The following PPARGC1B variants were observed in gnomAD, a reference collection of about 807,000 sequenced individuals.
PPARGC1B encodes the protein peroxisome proliferator-activated receptor gamma coactivator 1-beta.
PPARGC1B carries 34 observed loss-of-function variants against 101.6 expected under a neutral mutation model. The observed-to-expected ratio is 0.33, with a 90% CI of 0.25 to 0.45. The LOEUF (loss-of-function observed/expected upper bound fraction) is 0.45. Ranked by LOEUF, PPARGC1B falls within the 20% of genes least tolerant of loss-of-function variation. The probability of loss-of-function intolerance (pLI) is 1.00; values close to 1 mark genes in which losing one functional copy is unlikely to be tolerated. For synonymous variants in PPARGC1B, 548 were observed against 539.3 expected (o/e 1.02, Z -0.22); for missense variants, 1,234 against 1,317.6 (o/e 0.94, Z 0.98).
chr5:149,780,645 A>G (rs943292466), intron 1 of PPARGC1B, among the ~76,000 whole-genome samples: 5 of 152,218 alleles, frequency 3.3e-5, no homozygotes, highest in Non-Finnish European at 7.3e-5. Flanking sequence ...GTTATTGATA[A>G]TTTTAAACAT....
chr5:149,823,251 C>T (rs755969969), intron 2 of PPARGC1B, among the ~76,000 whole-genome samples: 2 of 152,108 alleles, frequency 1.3e-5, no homozygotes, highest in East Asian at 1.9e-4. Context: ...GAGGAAGGGG[C>T]GTGGACAAAT....
chr5:149,792,576 C>T (rs1236246122), intron 1 of PPARGC1B, among the ~76,000 whole-genome samples: 6 of 152,148 alleles, frequency 3.9e-5, no homozygotes, highest in African/African-American at 7.2e-5. Flanking sequence ...TTCTGGCCGG[C>T]GGCACTACTT....
intron 1 of PPARGC1B, among the ~76,000 whole-genome samples, chr5:149,796,191 G>A (rs1757209456): frequency 6.6e-6 from 1 of 152,150 alleles, no homozygotes; most frequent in Non-Finnish European, 1.5e-5. Flanking sequence ...GGAGGGTGGT[G>A]GCCACTTCAG....
At position 149,836,734 on chromosome 5, in the gene PPARGC1B, T is replaced by C. The variant is rs1316894882; in HGVS notation, c.2279T>C (p.Ile760Thr). Reference sequence around the variant, plus strand: ...AGCACGCTGCTGAGAGACCATGAGATCCGTGCCAGCCTCACCAAACACTTT... The same window carrying C: ...AGCACGCTGCTGAGAGACCATGAGACCCGTGCCAGCCTCACCAAACACTTT... ...KDSTLLRDHE[I>T]RASLTKHFGL... The change falls in exon 8 of 12, where the codon ATC becomes ACC. Residue 760 changes from isoleucine (I) to threonine (T), a missense_variant. By Grantham distance (89) the Ile-to-Thr change is moderately conservative. Transcript: ENST00000309241. 6.2e-7 allele frequency: 1 copy of C among 1,613,608 alleles called. No homozygotes were observed. Among genetic ancestry groups the C allele is most frequent in the Non-Finnish European group, 8.5e-7 (1 of 1,180,002 alleles).
chr5:149,744,796 T>C (rs549445084), intron 1 of PPARGC1B, among the ~76,000 whole-genome samples: 18 of 152,340 alleles, frequency 1.2e-4, no homozygotes, highest in African/African-American at 4.3e-4. Context: ...ACAAAGAGTT[T>C]GTAGCTCGGC....
rs1016972855 is a variant in PPARGC1B at position 149,826,830 on chromosome 5, G to A, written c.410G>A (p.Ser137Asn). 2 of 1,613,746 alleles carry A rather than the reference G, an allele frequency of 1.2e-6. No individual in the cohort carries two copies. Among genetic ancestry groups the A allele is most frequent in the Non-Finnish European group, 1.7e-6 (2 of 1,179,830 alleles). Residue 137 changes from serine to asparagine, a missense_variant, in exon 3 of 12, where the codon AGC (serine) becomes AAC (asparagine). Around this residue, in one of 3 missense-constraint regions of PPARGC1B, gnomAD observed 734 missense variants for 768.4 expected, o/e 0.96. Transcript: ENST00000309241. ...CCTGCCCCCTCATCTGCACCCCCCA[G>A]CCCTGCCCCGGAGAAGCCCTCGGCC... ...ASPAPSSAPPSPAPEKPSAPA... is the reference protein window; with the variant it reads ...ASPAPSSAPPNPAPEKPSAPA...
chr5:149,740,490 G>A (rs1335184590), intron 1 of PPARGC1B, among the ~76,000 whole-genome samples: 2 of 152,114 alleles, frequency 1.3e-5, no homozygotes, highest in Non-Finnish European at 1.5e-5. Flanking sequence ...CTCTACTTGT[G>A]GGGCAGGTGA....
chr5:149,742,878 C>T (rs1462566934), intron 1 of PPARGC1B, among the ~76,000 whole-genome samples: 1 of 152,090 alleles, frequency 6.6e-6, no homozygotes, highest in East Asian at 1.9e-4. Flanking sequence ...TAACAGGAGG[C>T]ATCTTTGGTG....
chr5:149,844,851 A>C (rs199833858), intron 10 of PPARGC1B, among the ~76,000 whole-genome samples: 3 of 152,206 alleles, frequency 2.0e-5, no homozygotes, highest in East Asian at 3.9e-4. Flanking sequence ...TGTTCATGGA[A>C]GTGAAAAGTT....
chr5:149,782,782 G>A (rs2113227664), intron 1 of PPARGC1B, among the ~76,000 whole-genome samples: 1 of 152,342 alleles, frequency 6.6e-6, no homozygotes, highest in East Asian at 1.9e-4. Context: ...CAATCACAGG[G>A]CCGCTGCTCT....
At chr5:149,792,677 T>C (rs1479552356) in intron 1 of PPARGC1B, among the ~76,000 whole-genome samples, 1 of 152,198 alleles carries the variant, frequency 6.6e-6, no homozygotes, top group Admixed American at 6.5e-5. Flanking sequence ...ATTTTGACGC[T>C]TAAAGAATGT....
intron 1 of PPARGC1B, among the ~76,000 whole-genome samples, chr5:149,732,370 C>G (rs1037106161): frequency 6.6e-6 from 1 of 152,226 alleles, no homozygotes; most frequent in Non-Finnish European, 1.5e-5. Context: ...TAGCCGGAGA[C>G]TCGTTCAGGG....
At chr5:149,781,672 C>T (rs1756606036) in intron 1 of PPARGC1B, among the ~76,000 whole-genome samples, 1 of 152,206 alleles carries the variant, frequency 6.6e-6, no homozygotes, top group Non-Finnish European at 1.5e-5. Context: ...AGCTAAATTT[C>T]TGCTTTACGG....
At chr5:149,817,862 C>T (rs917487502) in intron 1 of PPARGC1B, 10 of 455,910 alleles carry the variant, frequency 2.2e-5, no homozygotes, top group Non-Finnish European at 4.0e-5. Context: ...CAGTTTCACT[C>T]GTAGGTATTT....
At position 149,750,451 on chromosome 5, in the gene PPARGC1B, AAAATATATATATATAT is replaced by A. The variant is rs1365744507; in HGVS notation, c.78+20033_78+20048del. ...TTTAGCTGTCTTCTCTGTTTTAGTT[AAAATATATATATATAT>A]ATATATATATATATATATATATGTT... On this transcript the variant is annotated intron_variant, in intron 1 of 11. Coordinates refer to ENST00000309241, the MANE Select transcript of PPARGC1B (RefSeq NM_133263.4). Among the ~76,000 whole-genome samples the A allele has an allele frequency of 9.7e-3, 679 of 69,802 alleles. 14 individuals carry two copies. The highest frequency in any genetic ancestry group is 0.034 in the African/African-American group (656 of 19,296). 45.8% of individuals were successfully genotyped at this position (69,802 alleles called of 152,430 possible). A position where few individuals can be genotyped will look rare whatever the true frequency, so the allele number is the denominator to read the frequency against.
intron 1 of PPARGC1B, among the ~76,000 whole-genome samples, chr5:149,732,279 A>C (rs949736748): frequency 3.3e-5 from 5 of 152,154 alleles, no homozygotes; most frequent in African/African-American, 1.2e-4. Flanking sequence ...ACTCCTGGGA[A>C]GATTCTGTCC....
Position 149,852,253 on chromosome 5 carries a change from GT to G in PPARGC1B, c.*4698del, listed in dbSNP as rs1386714291. ...CCATCTCAGAATCAGAAACCCTAAT[GT>G]TTCTTACTTGCTATGTGACCTTGGG... On this transcript the variant is annotated 3_prime_UTR_variant, in exon 12 of 12. Transcript: ENST00000309241. 1.3e-5 allele frequency: 2 copies of G among 152,206 alleles called. No homozygotes were observed. Among genetic ancestry groups the G allele is most frequent in the African/African-American group, 4.8e-5 (2 of 41,444 alleles). 9.4% of individuals were successfully genotyped at this position (152,206 alleles called of 1,614,324 possible).
intron 1 of PPARGC1B, among the ~76,000 whole-genome samples, chr5:149,814,397 G>C (rs1238450136): frequency 6.6e-6 from 1 of 152,104 alleles, no homozygotes; most frequent in Non-Finnish European, 1.5e-5. Context: ...AATTTGATAA[G>C]TACAGAATTG....
rs986285266 is a variant in PPARGC1B at position 149,853,122 on chromosome 5, A to C, written c.*5564A>C. 7 of 151,916 alleles carry C rather than the reference A, an allele frequency of 4.6e-5. No homozygotes were observed. The highest frequency in any genetic ancestry group is 8.8e-5 in the Non-Finnish European group (6 of 67,994). The allele number at this position is 151,916 out of a possible 1,614,324, so 9.4% of individuals were successfully genotyped here. On this transcript the variant is annotated 3_prime_UTR_variant, in exon 12 of 12. Transcript: ENST00000309241. The surrounding 1 kb of genome is among the most constrained non-coding windows in gnomAD (Gnocchi z 4.2). Reference sequence around the variant, plus strand: ...CAAAAGCTTCCTTTTTCACTTGACCACCCTTGCTCATTGGTTACTTGTGAA... The same window carrying C: ...CAAAAGCTTCCTTTTTCACTTGACCCCCCTTGCTCATTGGTTACTTGTGAA...
Sources: allele counts gnomAD v4.1 joint callset (sites outside exome capture counted in the v4.1 genomes callset), GRCh38; gene constraint gnomAD v4.1.1; regional missense constraint gnomAD v4.1.1; non-coding constraint Gnocchi (gnomAD v3.1); transcripts MANE v1.5; gene names NCBI Gene and HGNC (gene_info 2026-07-23, HGNC 2026-07-21).